Variants in PAPPA observed in about 807,000 individuals in gnomAD.
PAPPA encodes pappalysin 1, also known as pappalysin-1.
Under a neutral mutation model 164.0 loss-of-function variants are expected in PAPPA, and 60 were observed. The observed-to-expected ratio is 0.37, with a 90% CI of 0.30 to 0.45. The LOEUF is 0.45. Among genes scored for constraint, PAPPA ranks in the 20% least tolerant of loss-of-function variants. The probability of loss-of-function intolerance (pLI) is 1.00; values close to 1 mark genes in which losing one functional copy is unlikely to be tolerated. For synonymous variants in PAPPA, 875 were observed against 814.1 expected (o/e 1.07, Z -1.27); for missense variants, 1,782 against 2,087.3 (o/e 0.85, Z 2.85).
At position 116,347,003 on chromosome 9, in the gene PAPPA, C is replaced by T; in HGVS notation, c.3781-23C>T. The T allele has an allele frequency of 1.3e-6, 2 of 1,590,870 alleles. No homozygotes were observed. Among genetic ancestry groups the T allele is most frequent in the Admixed American group, 1.7e-5 (1 of 57,976 alleles). On this transcript the variant is annotated intron_variant, in intron 14 of 21. Coordinates refer to ENST00000328252, the MANE Select transcript of PAPPA (RefSeq NM_002581.5). This position sits in a 1 kb window ranked among gnomAD's most constrained non-coding sequence, Gnocchi z 4.5. ...CTAGAGCTCAGTCTGCCACTCCTCA[C>T]TATGCACGACTCTGCCTTTCAGACG...
chr9:116,196,466 G>T (rs539141694), intron 2 of PAPPA, among the ~76,000 whole-genome samples: 1 of 152,228 alleles, frequency 6.6e-6, no homozygotes, highest in African/African-American at 2.4e-5. Flanking sequence ...AAACAAAGCC[G>T]TTGGGCGTGC....
intron 18 of PAPPA, 148 bp downstream of exon 18, chr9:116,362,887 T>A (rs1007357895): frequency 8.2e-6 from 6 of 733,292 alleles, no homozygotes; most frequent in Non-Finnish European, 1.3e-5. Flanking sequence ...GTAGACCATG[T>A]CCTCCCAGAA....
At chr9:116,320,209 G>T (rs1845836808) in intron 10 of PAPPA, among the ~76,000 whole-genome samples, 1 of 152,070 alleles carries the variant, frequency 6.6e-6, no homozygotes, top group African/African-American at 2.4e-5. Flanking sequence ...CATTTGGTCT[G>T]GCCAGGGGTT....
In PAPPA at chr9:116,171,633, T is replaced by C. The variant is rs1223001143; in HGVS notation, c.416-15521T>C. Among the ~76,000 whole-genome samples the C allele has an allele frequency of 2.6e-5, 4 of 152,226 alleles. No homozygotes were observed. The East Asian group carries it at 7.7e-4, about 29-fold the overall frequency. On this transcript the variant is annotated intron_variant, in intron 1 of 21. Coordinates refer to ENST00000328252, the MANE Select transcript of PAPPA (RefSeq NM_002581.5). ...CCTCTGATTCTATACTTGGAATCCC[T>C]GTGAACAGTGGGTATCACTGGCAGC...
intron 10 of PAPPA, among the ~76,000 whole-genome samples, chr9:116,314,346 G>A (rs1169734153): frequency 6.6e-6 from 1 of 151,922 alleles, no homozygotes; most frequent in Non-Finnish European, 1.5e-5. Context: ...TGGGATTACA[G>A]GTGTGAGCCA....
At chr9:116,210,876 T>C (rs1844298164) in intron 3 of PAPPA, among the ~76,000 whole-genome samples, 7 of 152,214 alleles carry the variant, frequency 4.6e-5, no homozygotes, top group Admixed American at 4.6e-4. Flanking sequence ...ACTTGATGTA[T>C]GGAGGTGCTA....
intron 6 of PAPPA, among the ~76,000 whole-genome samples, chr9:116,230,258 AC>A (rs1174491283): frequency 6.6e-6 from 1 of 152,182 alleles, no homozygotes; most frequent in Non-Finnish European, 1.5e-5. Context: ...GAAGAAATAA[AC>A]TTTTCCATGA....
At position 116,175,626 on chromosome 9, in the gene PAPPA, T is replaced by C. The variant is rs1194958855; in HGVS notation, c.416-11528T>C. 2.0e-5 allele frequency among the ~76,000 whole-genome samples: 3 copies of C among 152,186 alleles called. 1 individual carries two copies. The highest frequency in any genetic ancestry group is 4.1e-4 in the South Asian group (2 of 4,836). ...AAGCCTTGGGCACATAAATCTTTCA[T>C]TTATTTATCCATTCAGCAAATGTTT... is the stretch of plus-strand genomic sequence containing the variant. On this transcript the variant is annotated intron_variant, in intron 1 of 21. Transcript: ENST00000328252.
At chr9:116,217,371 C>T (rs1321766053) in intron 4 of PAPPA, among the ~76,000 whole-genome samples, 2 of 152,102 alleles carry the variant, frequency 1.3e-5, no homozygotes, top group Non-Finnish European at 2.9e-5. Context: ...ATTTTTTGGT[C>T]ATGTCTGATT....
Position 116,335,026 on chromosome 9 carries a change from C to T in PAPPA, c.3563C>T (p.Thr1188Ile), listed in dbSNP as rs768661438. Residue 1188 changes from threonine (T) to isoleucine (I), a missense_variant, in exon 13 of 22, where the codon ACC (threonine) becomes ATC (isoleucine). Thr to Ile is a moderately conservative substitution (Grantham distance 89). Transcript: ENST00000328252. ...LRSFDNFDPV[T>I]LSSCQRGETY... Reference sequence around the variant, plus strand: ...TCCTTCGACAACTTTGACCCCGTCACCCTGAGCAGCTGCCAGAGAGGGGAG... The same window carrying T: ...TCCTTCGACAACTTTGACCCCGTCATCCTGAGCAGCTGCCAGAGAGGGGAG... 2 of 1,613,728 alleles carry T rather than the reference C, an allele frequency of 1.2e-6. No individual in the cohort carries two copies. Among genetic ancestry groups the T allele is most frequent in the African/African-American group, 1.3e-5 (1 of 74,916 alleles).
chr9:116,376,158 C>T (rs564066652), intron 19 of PAPPA, among the ~76,000 whole-genome samples: 14 of 151,760 alleles, frequency 9.2e-5, no homozygotes, highest in Non-Finnish European at 1.5e-4. Context: ...GTAGCTGGGA[C>T]TACAGGCATA....
At position 116,354,975 on chromosome 9, in the gene PAPPA, C is replaced by G. The variant is rs113098127; in HGVS notation, c.4347+1182C>G. Among the ~76,000 whole-genome samples, 499 of 152,220 alleles carry G rather than the reference C, an allele frequency of 3.3e-3. 3 individuals are homozygous for G. Among genetic ancestry groups the G allele is most frequent in the African/African-American group, 0.011 (459 of 41,536 alleles). ...TACCTTAAAAAGAGTTATCCTTGTACCTTTTTCAGCTGTCTGACACCTCAT... is the reference window on the plus strand; with the variant it reads ...TACCTTAAAAAGAGTTATCCTTGTAGCTTTTTCAGCTGTCTGACACCTCAT... On this transcript the variant is annotated intron_variant, in intron 17 of 21. Transcript: ENST00000328252.
chr9:116,344,020 G>C (rs1474581538), intron 13 of PAPPA, among the ~76,000 whole-genome samples: 1 of 151,892 alleles, frequency 6.6e-6, no homozygotes, highest in East Asian at 1.9e-4. Context: ...CCCATCTCAG[G>C]CTCCGAAAGT....
chr9:116,392,297 G>T (rs376801862), intron 21 of PAPPA, among the ~76,000 whole-genome samples: 1 of 152,116 alleles, frequency 6.6e-6, no homozygotes. Flanking sequence ...TTGCTGAAAA[G>T]CTCTCAAGTG....
intron 1 of PAPPA, among the ~76,000 whole-genome samples, chr9:116,185,842 T>A (rs1457307469): frequency 6.6e-6 from 1 of 152,072 alleles, no homozygotes; most frequent in Non-Finnish European, 1.5e-5. Flanking sequence ...AATATTGAAC[T>A]CAAATTTGTG....
At chr9:116,385,688 TAAG>T (rs574486895) in intron 21 of PAPPA, among the ~76,000 whole-genome samples, 66 of 152,352 alleles carry the variant, frequency 4.3e-4, no homozygotes, top group African/African-American at 1.6e-3. Flanking sequence ...CTTTTTGTGT[TAAG>T]AAATCCTCTT....
At chr9:116,346,533 C>CAG (rs1846211949) in intron 14 of PAPPA, among the ~76,000 whole-genome samples, 3 of 152,180 alleles carry the variant, frequency 2.0e-5, no homozygotes, top group African/African-American at 7.2e-5. Flanking sequence ...AGAGTGCCTA[C>CAG]TGTGTGCCAA....
chr9:116,374,654 C>T (rs1446735158), intron 19 of PAPPA, among the ~76,000 whole-genome samples: 1 of 152,234 alleles, frequency 6.6e-6, no homozygotes, highest in East Asian at 1.9e-4. Context: ...CAAGACACTC[C>T]TACAGATGGA....
At chr9:116,230,362 C>T (rs147508784) in intron 6 of PAPPA, among the ~76,000 whole-genome samples, 1 of 152,132 alleles carries the variant, frequency 6.6e-6, no homozygotes, top group African/African-American at 2.4e-5. Context: ...CTTAAAACTC[C>T]CAAATTCATG....
Sources: allele counts gnomAD v4.1 joint callset (sites outside exome capture counted in the v4.1 genomes callset), GRCh38; gene constraint gnomAD v4.1.1; non-coding constraint Gnocchi (gnomAD v3.1); transcripts MANE v1.5; gene names NCBI Gene and HGNC (gene_info 2026-07-23, HGNC 2026-07-21).